ZC3H12C: variants seen among roughly 807,000 people sequenced by gnomAD.
The protein encoded by ZC3H12C is zinc finger CCCH-type containing 12C.
In ZC3H12C, 20 loss-of-function variants were observed where a neutral mutation model predicts 76.3. The ratio of observed to expected loss-of-function variants is 0.26; its 90% confidence interval spans 0.18 to 0.38. The LOEUF (loss-of-function observed/expected upper bound fraction) is 0.38. Among genes scored for constraint, ZC3H12C ranks in the 10% least tolerant of loss-of-function variants. The pLI, the probability that ZC3H12C is intolerant of heterozygous loss-of-function variation, is 1.00. For synonymous variants in ZC3H12C, 352 were observed against 399.6 expected (o/e 0.88, Z 1.42); for missense variants, 874 against 1,086.5 (o/e 0.80, Z 2.75).
Position 110,159,370 on chromosome 11 carries a change from C to A in ZC3H12C, c.1028C>A (p.Ala343Asp). 1 of 1,614,018 alleles carries A rather than the reference C, an allele frequency of 6.2e-7. No individual in the cohort carries two copies. Among genetic ancestry groups the A allele is most frequent in the African/African-American group, 1.3e-5 (1 of 75,018 alleles). Residue 343 changes from alanine to aspartate, a missense_variant, in exon 4 of 6, where the codon GCT becomes GAT. Ala to Asp is a moderately radical substitution (Grantham distance 126). This residue lies in a region of ZC3H12C where 269 missense variants were observed against 424.9 expected (regional missense o/e 0.63). Transcript: ENST00000278590. ...GACGACAGGTTCATCGTGAAGCTGGCTTTTGAGTCGGACGGTATCATTGTG... is the reference window on the plus strand; with the variant it reads ...GACGACAGGTTCATCGTGAAGCTGGATTTTGAGTCGGACGGTATCATTGTG... ...CYDDRFIVKL[A>D]FESDGIIVSN...
At chr11:110,101,054 T>G (rs1275749710) in intron 1 of ZC3H12C, among the ~76,000 whole-genome samples, 1 of 152,196 alleles carries the variant, frequency 6.6e-6, no homozygotes, top group Non-Finnish European at 1.5e-5. Context: ...AGCCTTATTG[T>G]TGATACGGAG....
At chr11:110,114,334 T>A (rs140744628) in intron 1 of ZC3H12C, among the ~76,000 whole-genome samples, 3 of 152,214 alleles carry the variant, frequency 2.0e-5, no homozygotes, top group Non-Finnish European at 4.4e-5. Flanking sequence ...CTCAGAGGCT[T>A]CCCAAATCTG....
At chr11:110,160,859 C>T (rs996330964) in intron 4 of ZC3H12C, among the ~76,000 whole-genome samples, 13 of 152,012 alleles carry the variant, frequency 8.6e-5, no homozygotes, top group African/African-American at 2.2e-4. Flanking sequence ...TTTTTTGAGA[C>T]GGAGTCTTGC....
chr11:110,107,671 G>A (rs564718598), intron 1 of ZC3H12C, among the ~76,000 whole-genome samples: 29 of 151,852 alleles, frequency 1.9e-4, no homozygotes, highest in African/African-American at 5.3e-4. Context: ...GATTACAGGC[G>A]CCCGCCACCA....
chr11:110,129,849 A>G (rs930254112), intron 1 of ZC3H12C, among the ~76,000 whole-genome samples: 2 of 151,848 alleles, frequency 1.3e-5, no homozygotes, highest in Non-Finnish European at 2.9e-5. Context: ...ATCAGAGGCC[A>G]CTCCAAGTAT....
In ZC3H12C at chr11:110,164,273, T is replaced by C; in HGVS notation, c.1256-68T>C. Reference sequence around the variant, plus strand: ...TTGTCTCTTCTACAAGTTAAAATCATAGGGCCAAACTGAGTTTTCAGGATC... The same window carrying C: ...TTGTCTCTTCTACAAGTTAAAATCACAGGGCCAAACTGAGTTTTCAGGATC... On this transcript the variant is annotated intron_variant, in intron 5 of 5. Transcript: ENST00000278590. The surrounding 1 kb of genome is among the most constrained non-coding windows in gnomAD (Gnocchi z 5.7). 2 of 1,389,466 alleles carry C rather than the reference T, an allele frequency of 1.4e-6. No homozygotes were observed. Among genetic ancestry groups the C allele is most frequent in the Non-Finnish European group, 1.9e-6 (2 of 1,043,684 alleles). The allele number at this position is 1,389,466 out of a possible 1,614,324, so 86.1% of individuals were successfully genotyped here.
intron 3 of ZC3H12C, among the ~76,000 whole-genome samples, chr11:110,154,927 A>G (rs1862348379): frequency 6.6e-6 from 1 of 152,122 alleles, no homozygotes; most frequent in Admixed American, 6.6e-5. Context: ...ATAAGAAGAA[A>G]AAAAGTTCAA....
At chr11:110,151,767 C>A (rs1862274869) in intron 2 of ZC3H12C, among the ~76,000 whole-genome samples, 1 of 152,162 alleles carries the variant, frequency 6.6e-6, no homozygotes, top group Non-Finnish European at 1.5e-5. Flanking sequence ...CCCATCTAAT[C>A]ATGCCCTGGA....
At chr11:110,136,130 G>A (rs1861954782) in intron 1 of ZC3H12C, 1 of 152,298 alleles carries the variant, frequency 6.6e-6, no homozygotes, top group Non-Finnish European at 1.5e-5. Context: ...TTGCTGTTAA[G>A]CTTCATCCAG....
intron 1 of ZC3H12C, among the ~76,000 whole-genome samples, chr11:110,133,795 T>C (rs190206258): frequency 6.3e-4 from 96 of 152,324 alleles, no homozygotes; most frequent in Non-Finnish European, 8.7e-4. Flanking sequence ...TGACACTTTT[T>C]TAAAACATTA....
chr11:110,163,322 A>G lies in ZC3H12C; in HGVS notation c.1198A>G (p.Asn400Asp). The change falls in exon 5 of 6, where the codon AAT becomes GAT. Residue 400 changes from asparagine to aspartate, a missense_variant. Physicochemically the swap from Asn to Asp is conservative, Grantham distance 23. This residue lies in a region of ZC3H12C where 269 missense variants were observed against 424.9 expected (regional missense o/e 0.63). Coordinates refer to ENST00000278590, the MANE Select transcript of ZC3H12C (RefSeq NM_033390.2). ...TGGCAGACATGGCCCCAGTCTGGAT[A>G]ATTTTCTGAGGAAGAAACCTATTGT... ...PLGRHGPSLD[N>D]FLRKKPIVPE... The G allele has an allele frequency of 6.2e-7, 1 of 1,613,298 alleles. No homozygotes were observed. The highest frequency in any genetic ancestry group is 8.5e-7 in the Non-Finnish European group (1 of 1,179,690).
intron 2 of ZC3H12C, among the ~76,000 whole-genome samples, chr11:110,142,522 G>A (rs1202381664): frequency 6.6e-6 from 1 of 152,136 alleles, no homozygotes; most frequent in Non-Finnish European, 1.5e-5. Flanking sequence ...CCAGCTAGAT[G>A]TTGCCTCAAA....
rs1591455742 is a variant in ZC3H12C, at chr11:110,101,552, T to A, written c.21+8120T>A. Among the ~76,000 whole-genome samples the A allele has an allele frequency of 5.3e-5, 8 of 150,830 alleles. No homozygotes were observed. In the South Asian group the frequency reaches 1.7e-3, roughly 32 times the overall value. ...GGCCCTTGGGAATCAATGCTATTTT[T>A]TTTTTTTTTTTTTGAGACACAGTCT... On this transcript the variant is annotated intron_variant, in intron 1 of 5. Coordinates refer to ENST00000278590, the MANE Select transcript of ZC3H12C (RefSeq NM_033390.2).
intron 1 of ZC3H12C, among the ~76,000 whole-genome samples, chr11:110,100,009 T>C (rs1861183050): frequency 9.9e-6 from 1 of 100,566 alleles, no homozygotes; most frequent in African/African-American, 4.0e-5. Flanking sequence ...ATACTACCTA[T>C]AGATTAGTCA....
chr11:110,165,196 CGCACCTGGCTCT>C lies in ZC3H12C; in HGVS notation c.2119_2130del (p.Ala707_Leu710del). The C allele has an allele frequency of 6.2e-7, 1 of 1,613,920 alleles. No individual in the cohort carries two copies. The highest frequency in any genetic ancestry group is 1.1e-5 in the South Asian group (1 of 91,070). On this transcript the variant is annotated inframe_deletion, in exon 6 of 6. Coordinates refer to ENST00000278590, the MANE Select transcript of ZC3H12C (RefSeq NM_033390.2). ...AAGTTCCATCACAAGCCTCCTCTTCCGCACCTGGCTCTGCACCTGCCGCACTCCGCTGTGGGC... is the reference window on the plus strand; with the variant it reads ...AAGTTCCATCACAAGCCTCCTCTTCCGCACCTGCCGCACTCCGCTGTGGGC...
intron 1 of ZC3H12C, among the ~76,000 whole-genome samples, chr11:110,123,718 T>G (rs1861690194): frequency 6.6e-6 from 1 of 152,218 alleles, no homozygotes; most frequent in African/African-American, 2.4e-5. Flanking sequence ...TACCCTTTAT[T>G]TTTCTTAGTA....
chr11:110,124,113 T>G (rs626461), intron 1 of ZC3H12C: 107,806 of 152,144 alleles, frequency 0.71, 38,505 homozygotes, highest in East Asian at 0.89. Flanking sequence ...ACTTCCGCAG[T>G]TGCAGCTCTA....
intron 1 of ZC3H12C, among the ~76,000 whole-genome samples, chr11:110,108,146 A>C (rs1861364657): frequency 6.6e-6 from 1 of 151,856 alleles, no homozygotes; most frequent in Admixed American, 6.6e-5. Flanking sequence ...GGTAGAGATG[A>C]GGTCTCAGTG....
At chr11:110,156,953 G>A (rs3016586) in intron 3 of ZC3H12C, among the ~76,000 whole-genome samples, 104,627 of 151,964 alleles carry the variant, frequency 0.69, 36,820 homozygotes, top group South Asian at 0.79. Flanking sequence ...GGCCCAGGCG[G>A]GCGGATCACG....
Sources: allele counts gnomAD v4.1 joint callset (sites outside exome capture counted in the v4.1 genomes callset), GRCh38; gene constraint gnomAD v4.1.1; regional missense constraint gnomAD v4.1.1; non-coding constraint Gnocchi (gnomAD v3.1); transcripts MANE v1.5; gene names NCBI Gene and HGNC (gene_info 2026-07-23, HGNC 2026-07-21).